Variants in RPL35A observed in about 807,000 individuals in gnomAD.
RPL35A encodes the protein large ribosomal subunit protein eL33.
In RPL35A, 1 loss-of-function variant was observed where a neutral mutation model predicts 16.7. The ratio of observed to expected loss-of-function variants is 0.06; its 90% confidence interval spans 0.02 to 0.28. The LOEUF (loss-of-function observed/expected upper bound fraction) is 0.28, where lower values mean the gene tolerates loss of function less well. Ranked by LOEUF, RPL35A falls within the 10% of genes least tolerant of loss-of-function variation. RPL35A has a pLI of 1.00. For synonymous variants in RPL35A, 58 were observed against 47.0 expected (o/e 1.23, Z -0.96); for missense variants, 91 against 138.7 (o/e 0.66, Z 1.73).
rs79249954 is a variant in RPL35A, at chr3:197,950,795, G to A, written c.-32-141G>A. On this transcript the variant is annotated intron_variant, in intron 1 of 4. Coordinates refer to ENST00000647248, the MANE Select transcript of RPL35A (RefSeq NM_000996.4). ...CTTGCCGGACCCTGCGTTTCATATG[G>A]ATGTTCTGGCATTGTTGTCCCCGAA... is the stretch of plus-strand genomic sequence containing the variant. 5,493 of 700,918 alleles carry A rather than the reference G, an allele frequency of 7.8e-3. 250 individuals carry two copies. The African/African-American group carries it at 0.088, about 11-fold the overall frequency. 43.4% of individuals were successfully genotyped at this position (700,918 alleles called of 1,614,324 possible).
intron 1 of RPL35A, chr3:197,950,629 CT>C (rs1223372451): frequency 1.8e-5 from 8 of 441,968 alleles, no homozygotes; most frequent in Non-Finnish European, 3.2e-5. Flanking sequence ...GGCTTCATTT[CT>C]TTTCCTGAGT....
rs770048224 is a variant in RPL35A, at chr3:197,955,814, T to C, written c.*41T>C. On this transcript the variant is annotated 3_prime_UTR_variant, in exon 5 of 5. Transcript: ENST00000647248. Reference sequence around the variant, plus strand: ...ATAAATAAATGTGGATTTGTGCTCTTGTATTTTTAAGTGGATTAAAAAACT... The same window carrying C: ...ATAAATAAATGTGGATTTGTGCTCTCGTATTTTTAAGTGGATTAAAAAACT... 2 of 1,527,620 alleles carry C rather than the reference T, an allele frequency of 1.3e-6. No homozygotes were observed. The highest frequency in any genetic ancestry group is 3.3e-5 in the Admixed American group (2 of 59,912). The allele number at this position is 1,527,620 out of a possible 1,614,324, so 94.6% of individuals were successfully genotyped here. A position where few individuals can be genotyped will look rare whatever the true frequency, so the allele number is the denominator to read the frequency against.
In RPL35A at chr3:197,956,524, G is replaced by A. The variant is rs1189542361; in HGVS notation, c.*751G>A. 1 of 151,992 alleles carries A rather than the reference G, an allele frequency of 6.6e-6. No individual in the cohort carries two copies. Among genetic ancestry groups the A allele is most frequent in the African/African-American group, 2.4e-5 (1 of 41,336 alleles). The allele number at this position is 151,992 out of a possible 1,614,324, so 9.4% of individuals were successfully genotyped here. ...TTCTTTGGCTTCATGTTTTAATCTGGTAAAGTTCAAGATTGCACTTTAAGC... is the reference window on the plus strand; with the variant it reads ...TTCTTTGGCTTCATGTTTTAATCTGATAAAGTTCAAGATTGCACTTTAAGC... On this transcript the variant is annotated 3_prime_UTR_variant, in exon 5 of 5. Coordinates refer to ENST00000647248, the MANE Select transcript of RPL35A (RefSeq NM_000996.4).
chr3:197,954,187 A>C, intron 4 of RPL35A, 40 bp downstream of exon 4: 1 of 1,610,032 alleles, frequency 6.2e-7, no homozygotes. Context: ...CTGATGAATC[A>C]GACTAGGTTC....
intron 3 of RPL35A, 67 bp from the exon 4 acceptor site, chr3:197,953,936 A>C: frequency 4.5e-6 from 7 of 1,555,340 alleles, no homozygotes; most frequent in Non-Finnish European, 6.2e-6. Flanking sequence ...ACTCGTGTAG[A>C]GGTCACCTTG....
intron 3 of RPL35A, 29 bp from the exon 4 acceptor site, chr3:197,953,974 A>C (rs775250002): frequency 1.2e-5 from 19 of 1,611,078 alleles, no homozygotes; most frequent in South Asian, 3.3e-5. Context: ...ATCAGCTTGT[A>C]TTCCTCTTCT....
intron 3 of RPL35A, chr3:197,952,493 CTTTTT>C (rs1265837125): frequency 2.0e-5 from 3 of 151,584 alleles, no homozygotes; most frequent in Non-Finnish European, 4.4e-5. Flanking sequence ...TCTTTCTTTT[CTTTTT>C]TTCTTTCTTT....
At chr3:197,951,037 G>C in intron 2 of RPL35A, 59 bp downstream of exon 2, 2 of 1,604,230 alleles carry the variant, frequency 1.2e-6, no homozygotes, top group South Asian at 2.2e-5. Flanking sequence ...GTAAATGCGA[G>C]CTTAAAATTG....
chr3:197,952,194 CG>C (rs1426257996), intron 3 of RPL35A, among the ~76,000 whole-genome samples: 1 of 94,190 alleles, frequency 1.1e-5, no homozygotes, highest in Non-Finnish European at 1.9e-5. Flanking sequence ...TTTTTGGAGA[CG>C]GAGTCTCACT....
intron 1 of RPL35A, chr3:197,950,701 C>A: frequency 1.8e-6 from 1 of 563,518 alleles, no homozygotes; most frequent in Non-Finnish European, 3.1e-6. Flanking sequence ...TTTTGTGACT[C>A]CTGTCCCTTA....
intron 3 of RPL35A, chr3:197,951,773 G>A (rs112273982): frequency 0.064 from 11,189 of 174,064 alleles, 476 homozygotes; most frequent in African/African-American, 0.11. Context: ...ATCTTGGCTC[G>A]CTGCAGCCTC....
chr3:197,950,871 G>T, intron 1 of RPL35A, 65 bp from the exon 2 acceptor site: 1 of 1,504,324 alleles, frequency 6.6e-7, no homozygotes, highest in South Asian at 1.1e-5. Context: ...GGGCTTAAAC[G>T]AGAGGGGACG....
intron 4 of RPL35A, among the ~76,000 whole-genome samples, chr3:197,955,068 C>T (rs58077206): frequency 2.0e-5 from 3 of 152,024 alleles, no homozygotes; most frequent in African/African-American, 4.8e-5. Flanking sequence ...TCAAATAGTT[C>T]GTACTTTTTC....
At chr3:197,952,374 TGGCCA>T (rs1252903803) in intron 3 of RPL35A, among the ~76,000 whole-genome samples, 2 of 152,048 alleles carry the variant, frequency 1.3e-5, no homozygotes. Flanking sequence ...TTCACCATTT[TGGCCA>T]GGCTGGTCTT....
rs145244860 is a variant in RPL35A, at chr3:197,954,104, G to A, written c.266G>A (p.Arg89Gln). 557 of 1,614,172 alleles carry A rather than the reference G, an allele frequency of 3.5e-4. No homozygotes were observed. In the African/African-American group the frequency reaches 6.5e-3, roughly 19 times the overall value. The stretch of plus-strand genomic sequence containing the variant: ...AGTGGCATGGTTCGTGCCAAATTCC[G>A]AAGCAATCTTCCTGCTAAGGCCATT... ...GNSGMVRAKF[R>Q]SNLPAKAIGH... The change falls in exon 4 of 5, where the codon CGA becomes CAA. Residue 89 changes from arginine to glutamine, a missense_variant. Physicochemically the swap from Arg to Gln is conservative, Grantham distance 43. Transcript: ENST00000647248.
intron 3 of RPL35A, among the ~76,000 whole-genome samples, chr3:197,953,164 T>A (rs1720257853): frequency 6.6e-6 from 1 of 152,238 alleles, no homozygotes; most frequent in Non-Finnish European, 1.5e-5. Context: ...TTAAAATCTC[T>A]GGGAAAGTGT....
intron 4 of RPL35A, chr3:197,954,426 T>C (rs1720371222): frequency 4.3e-6 from 2 of 463,968 alleles, no homozygotes; most frequent in Non-Finnish European, 4.0e-6. Context: ...CTCGACCTCC[T>C]GGGTTCAAGC....
intron 3 of RPL35A, chr3:197,951,672 A>T (rs1720103368): frequency 4.1e-6 from 1 of 246,350 alleles, no homozygotes; most frequent in Non-Finnish European, 8.1e-6. Flanking sequence ...TATTGAAATA[A>T]TAAACAAAAG....
chr3:197,954,856 T>C (rs1308944013), intron 4 of RPL35A, among the ~76,000 whole-genome samples: 4 of 152,172 alleles, frequency 2.6e-5, no homozygotes, highest in African/African-American at 9.7e-5. Flanking sequence ...ACTGAAGTAA[T>C]TGTTAGAAAG....
Sources: allele counts gnomAD v4.1 joint callset (sites outside exome capture counted in the v4.1 genomes callset), GRCh38; gene constraint gnomAD v4.1.1; transcripts MANE v1.5; gene names NCBI Gene and HGNC (gene_info 2026-07-23, HGNC 2026-07-21).